The following IQCJ variants were observed in gnomAD, a reference collection of about 807,000 sequenced individuals.
The protein encoded by IQCJ is IQ motif containing J.
In IQCJ, 9 loss-of-function variants were observed where a neutral mutation model predicts 11.0. That is an observed-to-expected ratio of 0.82 (90% CI 0.49 to 1.43). The LOEUF (loss-of-function observed/expected upper bound fraction) is 1.43. IQCJ is among the 40% of genes most tolerant of loss of function. The pLI is 0.00. For missense variants in IQCJ, 146 were observed against 133.2 expected (o/e 1.10, Z -0.47); for synonymous variants, 55 against 51.3 (o/e 1.07, Z -0.31).
chr3:159,258,394 T>C (rs749988104), intron 3 of IQCJ, among the ~76,000 whole-genome samples: 2 of 152,184 alleles, frequency 1.3e-5, no homozygotes, highest in Non-Finnish European at 2.9e-5. Flanking sequence ...TCTACAGTGA[T>C]AGGGTAGGAT....
chr3:159,225,968 G>A (rs1725832791), intron 1 of IQCJ, among the ~76,000 whole-genome samples: 1 of 152,042 alleles, frequency 6.6e-6, no homozygotes, highest in African/African-American at 2.4e-5. Context: ...TACTATTATT[G>A]GTTTGCTATA....
In IQCJ at chr3:159,259,417, C is replaced by CA. The variant is rs543591617; in HGVS notation, c.156-3121dup. On this transcript the variant is annotated intron_variant, in intron 3 of 3. Coordinates refer to ENST00000397832, the MANE Select transcript of IQCJ (RefSeq NM_001042706.3). Reference sequence around the variant, plus strand: ...TATAATGAATAGCATTGTCTAGTTTCAAAAAAAAAATGTCAAGGTAGTGGG... The same window carrying CA: ...TATAATGAATAGCATTGTCTAGTTTCAAAAAAAAAAATGTCAAGGTAGTGGG... 2.1e-3 allele frequency among the ~76,000 whole-genome samples: 317 copies of CA among 148,488 alleles called. 1 individual carries two copies. The highest frequency in any genetic ancestry group is 6.2e-3 in the African/African-American group (253 of 40,634).
chr3:159,249,099 A>G (rs1483681666), intron 2 of IQCJ, among the ~76,000 whole-genome samples: 1 of 151,810 alleles, frequency 6.6e-6, no homozygotes, highest in Non-Finnish European at 1.5e-5. Flanking sequence ...CAGGTAATCC[A>G]CCCGCCTTGG....
At chr3:159,261,248 C>G (rs1174930789) in intron 3 of IQCJ, among the ~76,000 whole-genome samples, 2 of 152,138 alleles carry the variant, frequency 1.3e-5, no homozygotes, top group African/African-American at 2.4e-5. Context: ...AGAATTAATA[C>G]AGCTATCTTA....
At chr3:159,146,491 G>C (rs1372689939) in intron 1 of IQCJ, among the ~76,000 whole-genome samples, 1 of 152,130 alleles carries the variant, frequency 6.6e-6, no homozygotes, top group Non-Finnish European at 1.5e-5. Context: ...ACTTCACGAT[G>C]CAAGCTTCTT....
intron 1 of IQCJ, among the ~76,000 whole-genome samples, chr3:159,094,244 C>T (rs2108088741): frequency 1.3e-5 from 2 of 150,628 alleles, no homozygotes; most frequent in African/African-American, 5.0e-5. Flanking sequence ...CCTCAAGGTT[C>T]TTATGTTTGG....
chr3:159,236,154 T>C (rs927402870), intron 1 of IQCJ, among the ~76,000 whole-genome samples: 4 of 151,738 alleles, frequency 2.6e-5, no homozygotes, highest in African/African-American at 9.7e-5. Context: ...ATTTTTTTCC[T>C]CCTAAAGAAA....
rs144507306 is a variant in IQCJ, at chr3:159,179,437, G to A, written c.10-66406G>A. ...GGACTTTCCAGGAACCTATCAAACTGGTAAAGGGTTGAAGGACTGGTAGCA... is the reference window on the plus strand; with the variant it reads ...GGACTTTCCAGGAACCTATCAAACTAGTAAAGGGTTGAAGGACTGGTAGCA... On this transcript the variant is annotated intron_variant, in intron 1 of 3. Coordinates refer to ENST00000397832, the MANE Select transcript of IQCJ (RefSeq NM_001042706.3). Among the ~76,000 whole-genome samples the A allele has an allele frequency of 3.4e-3, 520 of 152,208 alleles. 1 individual carries two copies. Among genetic ancestry groups the A allele is most frequent in the African/African-American group, 0.012 (493 of 41,518 alleles).
chr3:159,209,292 G>A (rs1042147780), intron 1 of IQCJ, among the ~76,000 whole-genome samples: 1 of 152,130 alleles, frequency 6.6e-6, no homozygotes, highest in Non-Finnish European at 1.5e-5. Context: ...ACTTTGGTGA[G>A]GAACCCAGCC....
chr3:159,117,666 C>T (rs1448910695), intron 1 of IQCJ, among the ~76,000 whole-genome samples: 1 of 152,142 alleles, frequency 6.6e-6, no homozygotes, highest in African/African-American at 2.4e-5. Context: ...CACCAGGAAG[C>T]CACTCAACGG....
At chr3:159,162,875 A>G (rs1406154881) in intron 1 of IQCJ, among the ~76,000 whole-genome samples, 2 of 152,226 alleles carry the variant, frequency 1.3e-5, no homozygotes, top group South Asian at 2.1e-4. Context: ...TAAACCAGGA[A>G]GAAGTTGAAT....
chr3:159,087,048 GT>G (rs1716833922), intron 1 of IQCJ, among the ~76,000 whole-genome samples: 4 of 152,210 alleles, frequency 2.6e-5, no homozygotes. Flanking sequence ...GATATTGGCT[GT>G]GGGTTTGTGA....
rs539820364 is a variant in IQCJ, at chr3:159,200,104, A to AATATATATATATATAT, written c.10-45738_10-45723dup. On this transcript the variant is annotated intron_variant, in intron 1 of 3. Coordinates refer to ENST00000397832, the MANE Select transcript of IQCJ (RefSeq NM_001042706.3). ...ATATGTATGTATGTGTTTATACATAAATATATATATATATATCACTTTGAA... is the reference window on the plus strand; with the variant it reads ...ATATGTATGTATGTGTTTATACATAAATATATATATATATATATATATATATATATATCACTTTGAA... 1.9e-3 allele frequency among the ~76,000 whole-genome samples: 226 copies of AATATATATATATATAT among 116,880 alleles called. 14 individuals are homozygous for AATATATATATATATAT. Among genetic ancestry groups the AATATATATATATATAT allele is most frequent in the African/African-American group, 7.9e-3 (209 of 26,324 alleles). The allele number at this position is 116,880 out of a possible 152,430, so 76.7% of individuals were successfully genotyped here. A position where few individuals can be genotyped will look rare whatever the true frequency, so the allele number is the denominator to read the frequency against.
chr3:159,138,940 C>T (rs575125721), intron 1 of IQCJ, among the ~76,000 whole-genome samples: 1 of 152,146 alleles, frequency 6.6e-6, no homozygotes, highest in South Asian at 2.1e-4. Flanking sequence ...TATTTGCCTA[C>T]AACAGTGAAA....
intron 1 of IQCJ, among the ~76,000 whole-genome samples, chr3:159,107,878 T>C (rs1404036349): frequency 6.6e-6 from 1 of 151,850 alleles, no homozygotes; most frequent in African/African-American, 2.4e-5. Flanking sequence ...AGTTGAGCAT[T>C]GGGGACAGAC....
At chr3:159,175,830 T>G (rs2108003226) in intron 1 of IQCJ, among the ~76,000 whole-genome samples, 1 of 152,336 alleles carries the variant, frequency 6.6e-6, no homozygotes, top group East Asian at 1.9e-4. Context: ...GATAAATGTT[T>G]AGAGCTGGAA....
At chr3:159,208,401 C>A (rs965379591) in intron 1 of IQCJ, among the ~76,000 whole-genome samples, 2 of 152,196 alleles carry the variant, frequency 1.3e-5, no homozygotes, top group East Asian at 1.9e-4. Context: ...TCTGCCCACA[C>A]TCTGCCCACT....
chr3:159,076,043 A>G lies in IQCJ; in HGVS notation c.9+6602A>G, dbSNP rs527491992. Among the ~76,000 whole-genome samples, 15 of 152,126 alleles carry G rather than the reference A, an allele frequency of 9.9e-5. 1 individual carries two copies. The Middle Eastern group carries it at 0.031, about 310-fold the overall frequency. On this transcript the variant is annotated intron_variant, in intron 1 of 3. Transcript: ENST00000397832. ...CCTGGGCTCTCAAACTTTCCTGTAT[A>G]CTGTAAGGAAATACAGTTGTAAATT...
rs1719542652 is a variant in IQCJ at position 159,124,220 on chromosome 3, T to C, written c.9+54779T>C. Reference sequence around the variant, plus strand: ...TCCTGGTCACCTGTCTGGGGAAGGCTATCATCATCTCCACATGGATTTACT... The same window carrying C: ...TCCTGGTCACCTGTCTGGGGAAGGCCATCATCATCTCCACATGGATTTACT... On this transcript the variant is annotated intron_variant, in intron 1 of 3. Coordinates refer to ENST00000397832, the MANE Select transcript of IQCJ (RefSeq NM_001042706.3). Among the ~76,000 whole-genome samples the C allele has an allele frequency of 2.0e-5, 3 of 152,306 alleles. No homozygotes were observed. The South Asian group carries it at 6.2e-4, about 32-fold the overall frequency.
Sources: allele counts gnomAD v4.1 joint callset (sites outside exome capture counted in the v4.1 genomes callset), GRCh38; gene constraint gnomAD v4.1.1; transcripts MANE v1.5; gene names NCBI Gene and HGNC (gene_info 2026-07-23, HGNC 2026-07-21).